UNC5D: variants seen among roughly 807,000 people sequenced by gnomAD.
The protein encoded by UNC5D is unc-5 netrin receptor D.
In UNC5D, 39 loss-of-function variants were observed where a neutral mutation model predicts 105.4. The observed-to-expected ratio is 0.37, with a 90% CI of 0.29 to 0.48. The LOEUF is 0.48. Ranked by LOEUF, UNC5D falls within the 20% of genes least tolerant of loss-of-function variation. The probability of loss-of-function intolerance (pLI) is 0.98; values close to 1 mark genes in which losing one functional copy is unlikely to be tolerated. For missense variants in UNC5D, 991 were observed against 1,202.4 expected (o/e 0.82, Z 2.60); for synonymous variants, 452 against 450.4 (o/e 1.00, Z -0.04).
In UNC5D at chr8:35,773,141, T is replaced by C. The variant is rs956117200; in HGVS notation, c.2479-1158T>C. Among the ~76,000 whole-genome samples the C allele has an allele frequency of 2.6e-5, 4 of 152,312 alleles. No individual in the cohort carries two copies. In the East Asian group the frequency reaches 5.8e-4, roughly 22 times the overall value. ...CAGAGTCCCTTTTGTCTTATAATCATGGAAGTGATTCAATTGGATATTTTT... is the reference window on the plus strand; with the variant it reads ...CAGAGTCCCTTTTGTCTTATAATCACGGAAGTGATTCAATTGGATATTTTT... On this transcript the variant is annotated intron_variant, in intron 15 of 16. Transcript: ENST00000404895.
intron 1 of UNC5D, among the ~76,000 whole-genome samples, chr8:35,335,754 C>T (rs1231135547): frequency 4.6e-5 from 5 of 109,644 alleles, no homozygotes; most frequent in South Asian, 5.5e-4. Context: ...TGAGAGATTG[C>T]AATTTTTTTT....
rs1350392829 is a variant in UNC5D at position 35,662,752 on chromosome 8, C to T, written c.571-20795C>T. On this transcript the variant is annotated intron_variant, in intron 4 of 16. Transcript: ENST00000404895. Reference sequence around the variant, plus strand: ...TGTTAGAGCGGTGAGGTTTTTACCACTCAGTTCCTTTAGAGCAGGAGTCCC... The same window carrying T: ...TGTTAGAGCGGTGAGGTTTTTACCATTCAGTTCCTTTAGAGCAGGAGTCCC... 2.0e-5 allele frequency among the ~76,000 whole-genome samples: 3 copies of T among 152,192 alleles called. No homozygotes were observed. The East Asian group carries it at 5.8e-4, about 29-fold the overall frequency.
At chr8:35,707,221 C>G (rs766132558) in intron 8 of UNC5D, among the ~76,000 whole-genome samples, 4 of 152,170 alleles carry the variant, frequency 2.6e-5, no homozygotes, top group Non-Finnish European at 4.4e-5. Context: ...AGGGAAAAAT[C>G]CAGTAAAGCC....
intron 2 of UNC5D, among the ~76,000 whole-genome samples, chr8:35,561,267 A>G (rs1396986216): frequency 6.6e-6 from 1 of 152,154 alleles, no homozygotes; most frequent in Non-Finnish European, 1.5e-5. Context: ...TCGGGTACCA[A>G]CAACGCCACA....
intron 1 of UNC5D, among the ~76,000 whole-genome samples, chr8:35,415,729 G>T (rs1350187669): frequency 3.9e-5 from 6 of 152,082 alleles, no homozygotes. Context: ...ATACCACTTT[G>T]AACACTAAGT....
chr8:35,588,105 C>T lies in UNC5D; in HGVS notation c.467-7449C>T, dbSNP rs992558471. Among the ~76,000 whole-genome samples, 59 of 151,406 alleles carry T rather than the reference C, an allele frequency of 3.9e-4. 1 individual carries two copies. Among genetic ancestry groups the T allele is most frequent in the Admixed American group, 3.6e-3 (54 of 15,150 alleles). On this transcript the variant is annotated intron_variant, in intron 3 of 16. Coordinates refer to ENST00000404895, the MANE Select transcript of UNC5D (RefSeq NM_080872.4). ...TGCAATTTGGTTCAGTTCCCTTATA[C>T]AGAACAATGTGACAATGACTGCTTT...
At chr8:35,412,547 G>A (rs1333609467) in intron 1 of UNC5D, among the ~76,000 whole-genome samples, 2 of 151,450 alleles carry the variant, frequency 1.3e-5, no homozygotes, top group Admixed American at 1.3e-4. Context: ...ATGACCTCAA[G>A]CAGAATTCTT....
At chr8:35,703,278 A>G (rs955940012) in intron 7 of UNC5D, among the ~76,000 whole-genome samples, 4 of 152,134 alleles carry the variant, frequency 2.6e-5, no homozygotes, top group African/African-American at 9.7e-5. Flanking sequence ...TTGATGACAA[A>G]CATGTGCTAG....
At chr8:35,557,164 C>A (rs1200244232) in intron 2 of UNC5D, among the ~76,000 whole-genome samples, 2 of 152,194 alleles carry the variant, frequency 1.3e-5, no homozygotes, top group African/African-American at 4.8e-5. Context: ...TCTTCACTTT[C>A]TCTTCTTGCT....
intron 1 of UNC5D, among the ~76,000 whole-genome samples, chr8:35,539,687 C>T (rs1253314273): frequency 2.0e-5 from 3 of 152,124 alleles, no homozygotes; most frequent in East Asian, 3.9e-4. Context: ...GTGTCCACAT[C>T]ACATACAAAA....
intron 1 of UNC5D, among the ~76,000 whole-genome samples, chr8:35,535,761 C>G (rs972848427): frequency 6.6e-6 from 1 of 152,166 alleles, no homozygotes; most frequent in African/African-American, 2.4e-5. Context: ...AACTCTTTCT[C>G]TGCTTCCTCC....
intron 15 of UNC5D, among the ~76,000 whole-genome samples, chr8:35,768,170 C>T (rs544294598): frequency 6.6e-6 from 1 of 151,960 alleles, no homozygotes; most frequent in Admixed American, 6.6e-5. Flanking sequence ...CATTTGAATT[C>T]ATTGTTTATG....
chr8:35,600,742 T>C (rs1013167406), intron 4 of UNC5D, among the ~76,000 whole-genome samples: 1 of 152,234 alleles, frequency 6.6e-6, no homozygotes, highest in African/African-American at 2.4e-5. Flanking sequence ...TCTCCCATTC[T>C]GTAGGTTGCC....
chr8:35,684,094 C>T (rs1230155501), intron 5 of UNC5D, among the ~76,000 whole-genome samples: 1 of 152,206 alleles, frequency 6.6e-6, no homozygotes, highest in African/African-American at 2.4e-5. Flanking sequence ...CCTAGACCTG[C>T]TGTCAGGTAG....
intron 1 of UNC5D, among the ~76,000 whole-genome samples, chr8:35,306,277 A>G (rs1256069958): frequency 6.6e-6 from 1 of 151,842 alleles, no homozygotes; most frequent in East Asian, 1.9e-4. Context: ...GTTCTCACCT[A>G]ATGGAATTTG....
chr8:35,625,268 C>G (rs1033564695), intron 4 of UNC5D, among the ~76,000 whole-genome samples: 7 of 152,078 alleles, frequency 4.6e-5, no homozygotes, highest in Non-Finnish European at 1.0e-4. Flanking sequence ...TATAGGTGCT[C>G]TTTTATCAAA....
Position 35,357,485 on chromosome 8 carries a change from G to A in UNC5D, c.103+121598G>A, listed in dbSNP as rs1034280667. Among the ~76,000 whole-genome samples the A allele has an allele frequency of 1.1e-4, 17 of 152,080 alleles. No individual in the cohort carries two copies. In the East Asian group the frequency reaches 2.7e-3, roughly 24 times the overall value. On this transcript the variant is annotated intron_variant, in intron 1 of 16. Coordinates refer to ENST00000404895, the MANE Select transcript of UNC5D (RefSeq NM_080872.4). ...CTACCACATCTTAGGTCTCAGATTG[G>A]ATGATGGGGCCTTCCCTGACCCACC...
intron 1 of UNC5D, among the ~76,000 whole-genome samples, chr8:35,503,552 C>T (rs1387821699): frequency 2.0e-5 from 3 of 152,152 alleles, no homozygotes; most frequent in Non-Finnish European, 2.9e-5. Flanking sequence ...CAAACCATAT[C>T]AGTTGGCAAG....
chr8:35,513,600 C>T (rs2130381913), intron 1 of UNC5D, among the ~76,000 whole-genome samples: 1 of 152,294 alleles, frequency 6.6e-6, no homozygotes, highest in African/African-American at 2.4e-5. Context: ...TTCTCCCCTG[C>T]TTTATTTTTC....
Sources: gnomAD v4.1 joint callset for allele counts (sites outside exome capture counted in the v4.1 genomes callset) on GRCh38, gnomAD v4.1.1 for gene constraint, MANE v1.5 for transcripts, NCBI Gene and HGNC (gene_info 2026-07-23, HGNC 2026-07-21) for gene names.